CRHR2: variants seen among roughly 807,000 people sequenced by gnomAD.
CRHR2 encodes the protein corticotropin releasing hormone receptor 2.
In CRHR2, 53 loss-of-function variants were observed where a neutral mutation model predicts 57.9. That is an observed-to-expected ratio of 0.92 (90% confidence interval 0.73 to 1.15). The LOEUF is 1.15. Ranked by LOEUF, CRHR2 falls within the 50% of genes most tolerant of loss-of-function variation. The pLI is 0.00. For missense variants in CRHR2, 532 were observed against 542.6 expected (o/e 0.98, Z 0.19); for synonymous variants, 213 against 220.9 (o/e 0.96, Z 0.32).
Position 30,694,725 on chromosome 7 carries a change from C to G in CRHR2, c.-261+5219G>C, listed in dbSNP as rs1245590963. Among the ~76,000 whole-genome samples the G allele has an allele frequency of 2.0e-5, 3 of 151,878 alleles. 1 individual carries two copies. Among genetic ancestry groups the G allele is most frequent in the African/African-American group, 7.3e-5 (3 of 41,322 alleles). On this transcript the variant is annotated intron_variant, in intron 1 of 13. Transcript: ENST00000341843. Reference sequence around the variant, plus strand: ...TTCAGTGGATTTCATTGAGCCTGAGCTCAGGCCCTGCCCCTTAGGGAGCAC... The same window carrying G: ...TTCAGTGGATTTCATTGAGCCTGAGGTCAGGCCCTGCCCCTTAGGGAGCAC...
intron 10 of CRHR2, 151 bp downstream of exon 10, chr7:30,655,429 C>T (rs1445950623): frequency 9.9e-7 from 1 of 1,009,728 alleles, no homozygotes; most frequent in Non-Finnish European, 1.4e-6. Flanking sequence ...ACTGGCCAGG[C>T]TCAGGCTGAG....
intron 8 of CRHR2, among the ~76,000 whole-genome samples, chr7:30,658,378 G>A (rs955076716): frequency 4.3e-4 from 66 of 152,090 alleles, no homozygotes; most frequent in Admixed American, 2.2e-3. Context: ...CAGCGATGGC[G>A]AAGTGGACAG....
intron 2 of CRHR2, among the ~76,000 whole-genome samples, chr7:30,680,992 A>AG (rs1385546233): frequency 6.6e-6 from 1 of 151,946 alleles, no homozygotes; most frequent in Non-Finnish European, 1.5e-5. Flanking sequence ...TGGAGATATC[A>AG]GGGGGGTTCT....
At position 30,682,317 on chromosome 7, in the gene CRHR2, T is replaced by G; in HGVS notation, c.-37A>C. ...GCCGCGTGCGGAGAGGGAGTGGGAG[T>G]GCGCGCCCGGCGTGACTGCGAGGGA... On this transcript the variant is annotated 5_prime_UTR_variant, in exon 1 of 12. Coordinates refer to ENST00000471646, the MANE Select transcript of CRHR2 (RefSeq NM_001883.5). 6.6e-7 allele frequency: 1 copy of G among 1,512,050 alleles called. No homozygotes were observed. The highest frequency in any genetic ancestry group is 8.8e-7 in the Non-Finnish European group (1 of 1,135,400). 93.7% of individuals were successfully genotyped at this position (1,512,050 alleles called of 1,614,324 possible). A position where few individuals can be genotyped will look rare whatever the true frequency, so the allele number is the denominator to read the frequency against.
In CRHR2 at chr7:30,662,725, C is replaced by T. The variant is rs1784056511; in HGVS notation, c.666G>A (p.Leu222=). Residue 222 remains leucine (L), a synonymous_variant, in exon 6 of 12, where the codon CTG becomes CTA. Coordinates refer to ENST00000471646, the MANE Select transcript of CRHR2 (RefSeq NM_001883.5). ...CGATGAAGAGGAAGAGGCACTTGCG[C>T]AGGCGCTCAGTGGAGTAGGTCATGA... The part of the protein sequence containing the change: ...AIVMTYSTER[L]RKCLFLFIGW... 1 of 1,614,178 alleles carries T rather than the reference C, an allele frequency of 6.2e-7. No individual in the cohort carries two copies. Among genetic ancestry groups the T allele is most frequent in the African/African-American group, 1.3e-5 (1 of 75,072 alleles).
At chr7:30,671,382 C>T (rs1339384154) in intron 2 of CRHR2, among the ~76,000 whole-genome samples, 1 of 152,034 alleles carries the variant, frequency 6.6e-6, no homozygotes, top group Non-Finnish European at 1.5e-5. Context: ...TGAGGGACTA[C>T]TTTTGGTGGT....
intron 2 of CRHR2, among the ~76,000 whole-genome samples, chr7:30,671,635 CAAAAA>C (rs11305836): frequency 0.032 from 3,357 of 104,952 alleles, 47 homozygotes; most frequent in Middle Eastern, 0.075. Flanking sequence ...CCCCATCTCT[CAAAAA>C]AAAAAAAAAA....
At chr7:30,684,423 C>T (rs919404518), upstream of CRHR2, among the ~76,000 whole-genome samples, 7 of 152,126 alleles carry the variant, frequency 4.6e-5, no homozygotes, top group African/African-American at 1.4e-4. Context: ...CTAGGTGGTG[C>T]CTAAAGCACC....
chr7:30,674,649 G>A (rs1199624529), intron 2 of CRHR2, among the ~76,000 whole-genome samples: 2 of 152,176 alleles, frequency 1.3e-5, no homozygotes, highest in African/African-American at 4.8e-5. Flanking sequence ...TCCCTCCAGG[G>A]GGGCAAGGGG....
chr7:30,696,559 A>G (rs866032596), intron 1 of CRHR2, among the ~76,000 whole-genome samples: 6 of 152,090 alleles, frequency 3.9e-5, no homozygotes, highest in African/African-American at 1.4e-4. Flanking sequence ...ATCTCTACTA[A>G]AAGTACAAAA....
At chr7:30,674,010 A>G (rs757195071) in intron 2 of CRHR2, among the ~76,000 whole-genome samples, 8 of 152,196 alleles carry the variant, frequency 5.3e-5, no homozygotes, top group Admixed American at 1.3e-4. Context: ...TCCATTTCTT[A>G]GTGTTATATG....
chr7:30,687,653 T>C (rs941292942), intron 2 of CRHR2, among the ~76,000 whole-genome samples: 1 of 152,174 alleles, frequency 6.6e-6, no homozygotes, highest in East Asian at 1.9e-4. Context: ...TGTTAGAAGC[T>C]GAACAGGCAA....
In CRHR2 at chr7:30,655,380, C is replaced by T. The variant is rs76554063; in HGVS notation, c.1053+200G>A. Among the ~76,000 whole-genome samples, 1,073 of 152,272 alleles carry T rather than the reference C, an allele frequency of 7.0e-3. 8 individuals carry two copies. Among genetic ancestry groups the T allele is most frequent in the Middle Eastern group, 0.014 (4 of 294 alleles). The stretch of plus-strand genomic sequence containing the variant: ...AGAACAGGTGCTGGGACAGTAGGTG[C>T]GGGCTGGTAGGATGAAGACCCAGGC... On this transcript the variant is annotated intron_variant, in intron 10 of 11. Transcript: ENST00000471646.
At chr7:30,688,487 G>A (rs569756290) in intron 2 of CRHR2, among the ~76,000 whole-genome samples, 3 of 152,246 alleles carry the variant, frequency 2.0e-5, no homozygotes, top group Non-Finnish European at 2.9e-5. Flanking sequence ...CCAGTGGAAG[G>A]AGAACAGGCA....
At chr7:30,674,342 C>A (rs1052828805) in intron 2 of CRHR2, among the ~76,000 whole-genome samples, 3 of 152,226 alleles carry the variant, frequency 2.0e-5, no homozygotes, top group African/African-American at 7.2e-5. Flanking sequence ...TTCCAGCCAT[C>A]CTAGCAACAC....
chr7:30,685,544 G>T (rs1390234634), upstream of CRHR2, among the ~76,000 whole-genome samples: 1 of 152,122 alleles, frequency 6.6e-6, no homozygotes, highest in African/African-American at 2.4e-5. Context: ...CTGCACTTTT[G>T]CCCTGTAGCA....
At chr7:30,687,277 C>T (rs1784873678), upstream of CRHR2, among the ~76,000 whole-genome samples, 1 of 152,212 alleles carries the variant, frequency 6.6e-6, no homozygotes, top group East Asian at 1.9e-4. Context: ...CATCCACCAT[C>T]CGGTCATGGT....
In CRHR2 at chr7:30,665,940, A is replaced by G. The variant is rs537369206; in HGVS notation, c.316-301T>C. On this transcript the variant is annotated intron_variant, in intron 3 of 11. Coordinates refer to ENST00000471646, the MANE Select transcript of CRHR2 (RefSeq NM_001883.5). This position sits in a 1 kb window ranked among gnomAD's most constrained non-coding sequence, Gnocchi z 4.5. ...CACAGGTGTGATCACAGTGCACCGC[A>G]GCCTTGATCTGCAGGCCTGAAGCAA... Among the ~76,000 whole-genome samples, 11 of 152,260 alleles carry G rather than the reference A, an allele frequency of 7.2e-5. No homozygotes were observed. The highest frequency in any genetic ancestry group is 3.4e-3 in the Middle Eastern group (1 of 294).
In CRHR2 at chr7:30,682,452, C is replaced by G; in HGVS notation, c.-172G>C. The G allele has an allele frequency of 7.4e-7, 1 of 1,342,928 alleles. No individual in the cohort carries two copies. The highest frequency in any genetic ancestry group is 9.5e-7 in the Non-Finnish European group (1 of 1,053,656). The allele number at this position is 1,342,928 out of a possible 1,614,324, so 83.2% of individuals were successfully genotyped here. A position where few individuals can be genotyped will look rare whatever the true frequency, so the allele number is the denominator to read the frequency against. ...GCCACCTCCGGTCGCCCAGAGCTGT[C>G]AAGTGGGGACCTTCCCGGAGAGGAG... On this transcript the variant is annotated 5_prime_UTR_variant, in exon 1 of 12. Transcript: ENST00000471646.
Sources: gnomAD v4.1 joint callset for allele counts (sites outside exome capture counted in the v4.1 genomes callset) on GRCh38, gnomAD v4.1.1 for gene constraint, Gnocchi (gnomAD v3.1) non-coding constraint, MANE v1.5 for transcripts, NCBI Gene and HGNC (gene_info 2026-07-23, HGNC 2026-07-21) for gene names.